Variants in KCNK9 observed in about 807,000 individuals in gnomAD.
KCNK9 encodes the protein potassium channel subfamily K member 9.
A neutral mutation model predicts 10.8 loss-of-function variants in KCNK9; 1 was observed. That is an observed-to-expected ratio of 0.09 (90% CI 0.03 to 0.44). The LOEUF is 0.44. Ranked by LOEUF, KCNK9 falls within the 20% of genes least tolerant of loss-of-function variation. The probability of loss-of-function intolerance (pLI) is 0.97; values close to 1 mark genes in which losing one functional copy is unlikely to be tolerated. For missense variants in KCNK9, 303 were observed against 515.0 expected (o/e 0.59, Z 3.98); for synonymous variants, 231 against 222.7 (o/e 1.04, Z -0.33).
intron 2 of KCNK9, among the ~76,000 whole-genome samples, chr8:139,607,425 G>A (rs757826316): frequency 1.3e-5 from 2 of 152,220 alleles, no homozygotes; most frequent in African/African-American, 4.8e-5. Context: ...TCGGCAGCCC[G>A]AGTTGCACAA....
intron 1 of KCNK9, among the ~76,000 whole-genome samples, chr8:139,671,716 T>C (rs1047466717): frequency 6.6e-6 from 1 of 152,008 alleles, no homozygotes; most frequent in African/African-American, 2.4e-5. Context: ...AATGTAATTG[T>C]TTTTTGTATT....
chr8:139,640,492 G>C (rs1461388298), intron 1 of KCNK9, among the ~76,000 whole-genome samples: 1 of 152,190 alleles, frequency 6.6e-6, no homozygotes, highest in African/African-American at 2.4e-5. Context: ...CCTAGATTGG[G>C]TTGGGGTCCT....
intron 1 of KCNK9, among the ~76,000 whole-genome samples, chr8:139,656,192 A>C (rs1184366530): frequency 6.6e-6 from 1 of 152,150 alleles, no homozygotes; most frequent in African/African-American, 2.4e-5. Flanking sequence ...GCCCAGATCC[A>C]AGTGGCAGCT....
At chr8:139,632,364 G>A (rs890227220) in intron 1 of KCNK9, among the ~76,000 whole-genome samples, 2 of 152,216 alleles carry the variant, frequency 1.3e-5, no homozygotes, top group African/African-American at 4.8e-5. Context: ...GTCAGCCCAC[G>A]CTGGAGTCTG....
downstream of KCNK9, chr8:139,612,510 A>G (rs1247920101): frequency 6.6e-6 from 1 of 151,362 alleles, no homozygotes; most frequent in Non-Finnish European, 1.5e-5. Context: ...CTTCCTGTCT[A>G]TGTGTAGCTG....
chr8:139,614,204 G>T (rs961817009), downstream of KCNK9, among the ~76,000 whole-genome samples: 9 of 152,186 alleles, frequency 5.9e-5, no homozygotes, highest in African/African-American at 1.9e-4. Flanking sequence ...AAAACGACCT[G>T]CCTAGGCTTA....
At position 139,618,207 on chromosome 8, in the gene KCNK9, T is replaced by G; in HGVS notation, c.*51A>C. The G allele has an allele frequency of 6.2e-7, 1 of 1,612,476 alleles. No homozygotes were observed. The highest frequency in any genetic ancestry group is 8.5e-7 in the Non-Finnish European group (1 of 1,178,664). On this transcript the variant is annotated 3_prime_UTR_variant, in exon 2 of 2. Coordinates refer to ENST00000520439, the MANE Select transcript of KCNK9 (RefSeq NM_001282534.2). This position sits in a 1 kb window ranked among gnomAD's most constrained non-coding sequence, Gnocchi z 7.9. ...AAAAGACGAGTTGGACCAATGGAAA[T>G]TAACACCAACTATGACAAATGACTT...
intron 1 of KCNK9, among the ~76,000 whole-genome samples, chr8:139,647,608 A>T (rs527491558): frequency 6.6e-6 from 1 of 152,256 alleles, no homozygotes; most frequent in Admixed American, 6.5e-5. Flanking sequence ...GGCCAGATGG[A>T]GGAGGGCATA....
intron 1 of KCNK9, among the ~76,000 whole-genome samples, chr8:139,664,914 T>TC (rs762451592): frequency 2.0e-4 from 30 of 148,968 alleles, no homozygotes; most frequent in South Asian, 6.4e-4. Flanking sequence ...AAGATAACCC[T>TC]CCCCCAGCAA....
intron 1 of KCNK9, among the ~76,000 whole-genome samples, chr8:139,641,157 C>T (rs554711927): frequency 2.6e-5 from 4 of 152,268 alleles, no homozygotes; most frequent in South Asian, 2.1e-4. Flanking sequence ...TGGGTCCAGA[C>T]GCCCAGGGAC....
rs113101772 is a variant in KCNK9, at chr8:139,634,090, T to G, written c.284-14991A>C. On this transcript the variant is annotated intron_variant, in intron 1 of 1. Coordinates refer to ENST00000520439, the MANE Select transcript of KCNK9 (RefSeq NM_001282534.2). ...GCCTGCTGGTTCACTCCCATGTCCCTCAACCCAGGGCTGGGACAGCTTAGC... is the reference window on the plus strand; with the variant it reads ...GCCTGCTGGTTCACTCCCATGTCCCGCAACCCAGGGCTGGGACAGCTTAGC... 1.2e-3 allele frequency among the ~76,000 whole-genome samples: 186 copies of G among 152,348 alleles called. 1 individual carries two copies. The highest frequency in any genetic ancestry group is 4.2e-3 in the African/African-American group (175 of 41,588).
At chr8:139,628,898 G>A (rs1815071156) in intron 1 of KCNK9, among the ~76,000 whole-genome samples, 1 of 152,194 alleles carries the variant, frequency 6.6e-6, no homozygotes, top group Non-Finnish European at 1.5e-5. Flanking sequence ...CCTGAGGAAG[G>A]CCAGCCTCAG....
intron 1 of KCNK9, among the ~76,000 whole-genome samples, chr8:139,649,806 A>G (rs1431819589): frequency 1.3e-5 from 2 of 152,216 alleles, no homozygotes; most frequent in Non-Finnish European, 2.9e-5. Flanking sequence ...TTTACTGAGC[A>G]CCTAACATGT....
chr8:139,630,035 G>A (rs1458092728), intron 1 of KCNK9, among the ~76,000 whole-genome samples: 1 of 150,726 alleles, frequency 6.6e-6, no homozygotes, highest in Non-Finnish European at 1.5e-5. Flanking sequence ...CAGAAAGCAG[G>A]TTAGTGGTTG....
chr8:139,617,499 A>G lies in KCNK9; in HGVS notation c.*759T>C. On this transcript the variant is annotated 3_prime_UTR_variant, in exon 2 of 2. Coordinates refer to ENST00000520439, the MANE Select transcript of KCNK9 (RefSeq NM_001282534.2). ...TAAAAAATGTCTGAACTGGCAAGCTAAGATGGTTTGGGTCGTCTTGCCCAC... is the reference window on the plus strand; with the variant it reads ...TAAAAAATGTCTGAACTGGCAAGCTGAGATGGTTTGGGTCGTCTTGCCCAC... 6.6e-6 allele frequency among the ~76,000 whole-genome samples: 1 copy of G among 152,248 alleles called. No homozygotes were observed. Among genetic ancestry groups the G allele is most frequent in the East Asian group, 1.9e-4 (1 of 5,198 alleles).
In KCNK9 at chr8:139,618,373, A is replaced by T; in HGVS notation, c.1010T>A (p.Ile337Asn). The stretch of plus-strand genomic sequence containing the variant: ...GCTGTTTTTTAATGTGCTTGGTGAG[A>T]TCTCCTCGATCTTGTAAGAGATGGA... ...FHSISYKIEE[I>N]SPSTLKNSLF... The change falls in exon 2 of 2, where the codon ATC becomes AAC. Residue 337 changes from isoleucine to asparagine, a missense_variant. Ile to Asn is a moderately radical substitution (Grantham distance 149). Around this residue, in one of 5 missense-constraint regions of KCNK9, gnomAD observed 138 missense variants for 161.1 expected, o/e 0.86. Coordinates refer to ENST00000520439, the MANE Select transcript of KCNK9 (RefSeq NM_001282534.2). This position sits in a 1 kb window ranked among gnomAD's most constrained non-coding sequence, Gnocchi z 7.9. 1 of 1,614,012 alleles carries T rather than the reference A, an allele frequency of 6.2e-7. No individual in the cohort carries two copies.
At chr8:139,676,757 C>T (rs1194270781) in intron 1 of KCNK9, among the ~76,000 whole-genome samples, 1 of 152,142 alleles carries the variant, frequency 6.6e-6, no homozygotes, top group Non-Finnish European at 1.5e-5. Flanking sequence ...TCAAGACCAG[C>T]CTGGCCAACA....
chr8:139,686,000 T>C (rs1223369310), intron 1 of KCNK9, among the ~76,000 whole-genome samples: 1 of 152,358 alleles, frequency 6.6e-6, no homozygotes, highest in East Asian at 1.9e-4. Context: ...TGGTATCTCA[T>C]CATGGTTTTG....
chr8:139,676,734 T>C (rs185620722), intron 1 of KCNK9, among the ~76,000 whole-genome samples: 47 of 152,318 alleles, frequency 3.1e-4, no homozygotes, highest in African/African-American at 1.1e-3. Context: ...GTGGATCACA[T>C]GAGGCCAGGA....
Sources: gnomAD v4.1 joint callset for allele counts (sites outside exome capture counted in the v4.1 genomes callset) on GRCh38, gnomAD v4.1.1 for gene constraint, gnomAD v4.1.1 regional missense constraint, Gnocchi (gnomAD v3.1) non-coding constraint, MANE v1.5 for transcripts, NCBI Gene and HGNC (gene_info 2026-07-23, HGNC 2026-07-21) for gene names.